PRKN: variants seen among roughly 807,000 people sequenced by gnomAD.
The protein encoded by PRKN is parkin RBR E3 ubiquitin protein ligase, also known as E3 ubiquitin-protein ligase parkin.
Under a neutral mutation model 59.5 loss-of-function variants are expected in PRKN, and 56 were observed. The observed-to-expected ratio is 0.94, with a 90% CI of 0.76 to 1.18. The LOEUF (loss-of-function observed/expected upper bound fraction) is 1.18. Ranked by LOEUF, PRKN falls within the 50% of genes most tolerant of loss-of-function variation. PRKN has a pLI of 0.00. For synonymous variants in PRKN, 250 were observed against 222.1 expected, an observed-to-expected ratio of 1.13 and a Z score of -1.12; for missense variants, 657 against 596.4, an observed-to-expected ratio of 1.10 and a Z score of -1.06.
intron 1 of PRKN, among the ~76,000 whole-genome samples, chr6:162,506,831 G>A (rs1290929666): frequency 2.0e-5 from 3 of 152,288 alleles, no homozygotes; most frequent in Non-Finnish European, 4.4e-5. Flanking sequence ...GCCCTTAAGC[G>A]CATCACAGTG....
At chr6:162,575,977 T>C (rs1780540163) in intron 1 of PRKN, among the ~76,000 whole-genome samples, 1 of 152,206 alleles carries the variant, frequency 6.6e-6, no homozygotes, top group Non-Finnish European at 1.5e-5. Context: ...GTCTTGACTG[T>C]GCCTCTTCCC....
Position 161,576,207 on chromosome 6 carries a change from T to C in PRKN, c.872-6791A>G, listed in dbSNP as rs975599742. 2.0e-5 allele frequency among the ~76,000 whole-genome samples: 3 copies of C among 152,242 alleles called. No homozygotes were observed. The highest frequency in any genetic ancestry group is 4.8e-5 in the African/African-American group (2 of 41,466). On this transcript the variant is annotated intron_variant, in intron 7 of 11. Coordinates refer to ENST00000366898, the MANE Select transcript of PRKN (RefSeq NM_004562.3). The surrounding 1 kb of genome is among the most constrained non-coding windows in gnomAD (Gnocchi z 4.6). ...TTACAGAATCAAGTTTAAAGCATTA[T>C]CGTTTTCATAAATAAAGCCAAGCTT...
Position 161,480,416 on chromosome 6 carries a change from T to C in PRKN, c.1083+68438A>G, listed in dbSNP as rs182094357. On this transcript the variant is annotated intron_variant, in intron 9 of 11. Coordinates refer to ENST00000366898, the MANE Select transcript of PRKN (RefSeq NM_004562.3). The surrounding 1 kb of genome is among the most constrained non-coding windows in gnomAD (Gnocchi z 4.1). Reference sequence around the variant, plus strand: ...TCCTATTCCACCATCACAACAATCCTGGAAAAGAATCTTAATTCTCTTATT... The same window carrying C: ...TCCTATTCCACCATCACAACAATCCCGGAAAAGAATCTTAATTCTCTTATT... 3.1e-3 allele frequency among the ~76,000 whole-genome samples: 475 copies of C among 152,268 alleles called. 3 individuals are homozygous for C. Among genetic ancestry groups the C allele is most frequent in the African/African-American group, 0.011 (447 of 41,574 alleles).
At chr6:161,798,976 A>G (rs899805973) in intron 6 of PRKN, among the ~76,000 whole-genome samples, 3 of 152,126 alleles carry the variant, frequency 2.0e-5, no homozygotes, top group African/African-American at 4.8e-5. Flanking sequence ...ACTGGCTTCA[A>G]TGTCTATGTT....
In PRKN at chr6:161,835,426, T is replaced by C. The variant is rs184288751; in HGVS notation, c.735-49518A>G. 2.0e-5 allele frequency among the ~76,000 whole-genome samples: 3 copies of C among 152,248 alleles called. No individual in the cohort carries two copies. In the East Asian group the frequency reaches 5.8e-4, roughly 30 times the overall value. ...CCGTACCCTTGTTTAATCTGTGACA[T>C]TGTGATTGAAATTTGTCACTCTGGG... On this transcript the variant is annotated intron_variant, in intron 6 of 11. Coordinates refer to ENST00000366898, the MANE Select transcript of PRKN (RefSeq NM_004562.3).
chr6:162,606,184 T>C (rs2128217985), intron 1 of PRKN, among the ~76,000 whole-genome samples: 1 of 152,332 alleles, frequency 6.6e-6, no homozygotes, highest in Admixed American at 6.5e-5. Context: ...GAATTACAGA[T>C]GCTCCTTAAC....
At chr6:162,139,226 C>T (rs1217645489) in intron 4 of PRKN, among the ~76,000 whole-genome samples, 3 of 152,150 alleles carry the variant, frequency 2.0e-5, no homozygotes, top group Non-Finnish European at 4.4e-5. Context: ...GCTCTTAATG[C>T]CTTTGGCATC....
At chr6:161,773,696 T>G (rs1789792236) in intron 7 of PRKN, among the ~76,000 whole-genome samples, 1 of 152,224 alleles carries the variant, frequency 6.6e-6, no homozygotes, top group African/African-American at 2.4e-5. Context: ...TAGAATGTGC[T>G]TTTTAAGAGT....
intron 9 of PRKN, among the ~76,000 whole-genome samples, chr6:161,389,983 C>A (rs904911254): frequency 8.5e-5 from 13 of 152,204 alleles, no homozygotes; most frequent in African/African-American, 3.1e-4. Flanking sequence ...AGCCTCCCCA[C>A]TTTAGCATGG....
rs553338870 is a variant in PRKN at position 161,454,110 on chromosome 6, T to A, written c.1084-67233A>T. ...CATGGTTTCTTTTTATTTCTTTCTT[T>A]CTGAGATGGAAGGAAACCTAAAAGT... On this transcript the variant is annotated intron_variant, in intron 9 of 11. Coordinates refer to ENST00000366898, the MANE Select transcript of PRKN (RefSeq NM_004562.3). The surrounding 1 kb of genome is among the most constrained non-coding windows in gnomAD (Gnocchi z 4.6). Among the ~76,000 whole-genome samples, 3 of 152,288 alleles carry A rather than the reference T, an allele frequency of 2.0e-5. No individual in the cohort carries two copies. In the East Asian group the frequency reaches 5.8e-4, roughly 29 times the overall value.
At chr6:162,503,403 A>G (rs1479301007) in intron 1 of PRKN, among the ~76,000 whole-genome samples, 3 of 151,908 alleles carry the variant, frequency 2.0e-5, no homozygotes, top group Admixed American at 2.0e-4. Context: ...ACCTCAGGAG[A>G]TCTTCCTGCC....
intron 4 of PRKN, among the ~76,000 whole-genome samples, chr6:162,161,722 C>T (rs1221778564): frequency 2.0e-5 from 3 of 152,186 alleles, no homozygotes; most frequent in Admixed American, 2.0e-4. Flanking sequence ...CACTACGTCA[C>T]AATGCCTGGG....
chr6:162,014,930 G>C (rs1282370221), intron 5 of PRKN, among the ~76,000 whole-genome samples: 1 of 151,946 alleles, frequency 6.6e-6, no homozygotes, highest in Non-Finnish European at 1.5e-5. Flanking sequence ...TCCCGGTTTA[G>C]GCAACCCCTA....
intron 1 of PRKN, among the ~76,000 whole-genome samples, chr6:162,685,723 G>A (rs999280653): frequency 6.6e-6 from 1 of 152,248 alleles, no homozygotes; most frequent in Admixed American, 6.5e-5. Flanking sequence ...TTCTAGCTAT[G>A]TTCTTTCCTG....
rs1050921997 is a variant in PRKN at position 162,653,128 on chromosome 6, T to A, written c.7+74534A>T. Among the ~76,000 whole-genome samples the A allele has an allele frequency of 6.6e-5, 10 of 152,350 alleles. No homozygotes were observed. The South Asian group carries it at 1.9e-3, about 28-fold the overall frequency. On this transcript the variant is annotated intron_variant, in intron 1 of 11. Transcript: ENST00000366898. ...GTTTCTTGCTCTAGAGAATTCTAACTGAGTTTAAAAGATTTAAAAATCGAT... is the reference window on the plus strand; with the variant it reads ...GTTTCTTGCTCTAGAGAATTCTAACAGAGTTTAAAAGATTTAAAAATCGAT...
intron 2 of PRKN, among the ~76,000 whole-genome samples, chr6:162,331,045 T>C (rs1783548457): frequency 6.6e-6 from 1 of 152,090 alleles, no homozygotes; most frequent in Non-Finnish European, 1.5e-5. Flanking sequence ...GAAATAATTT[T>C]AGGCAGGGCA....
At chr6:162,312,946 A>C (rs1433134483) in intron 2 of PRKN, among the ~76,000 whole-genome samples, 1 of 152,152 alleles carries the variant, frequency 6.6e-6, no homozygotes, top group African/African-American at 2.4e-5. Context: ...GCCAGAAGAA[A>C]ATATAATTTG....
At chr6:162,591,990 C>T (rs1047092269) in intron 1 of PRKN, among the ~76,000 whole-genome samples, 1 of 151,792 alleles carries the variant, frequency 6.6e-6, no homozygotes, top group African/African-American at 2.4e-5. Flanking sequence ...AAACCAGAAC[C>T]TCATTTTTTT....
intron 1 of PRKN, among the ~76,000 whole-genome samples, chr6:162,600,067 C>T (rs1583882079): frequency 6.6e-6 from 1 of 151,910 alleles, no homozygotes; most frequent in East Asian, 1.9e-4. Context: ...ATTTATATAC[C>T]CATCTCATCC....
Sources: allele counts gnomAD v4.1 joint callset (sites outside exome capture counted in the v4.1 genomes callset), GRCh38; gene constraint gnomAD v4.1.1; non-coding constraint Gnocchi (gnomAD v3.1); transcripts MANE v1.5; gene names NCBI Gene and HGNC (gene_info 2026-07-23, HGNC 2026-07-21).